Variants in INSL6 observed in about 807,000 individuals in gnomAD.
The protein encoded by INSL6 is insulin-like peptide INSL6.
Under a neutral mutation model 9.4 loss-of-function variants are expected in INSL6, and 16 were observed. That is an observed-to-expected ratio of 1.70 (90% CI 1.15 to 2.59). INSL6 has a LOEUF of 2.59. Among genes scored for constraint, INSL6 ranks in the 30% most tolerant of loss-of-function variants. The pLI is 0.00. For synonymous variants in INSL6, 154 were observed against 96.9 expected (o/e 1.59, Z -3.46); for missense variants, 391 against 257.3 (o/e 1.52, Z -3.56).
At chr9:5,018,635 G>T in the INSL6 span, among the ~76,000 whole-genome samples, 22 of 152,286 alleles carry the variant, frequency 1.4e-4, no homozygotes, top group Middle Eastern at 3.4e-3. Flanking sequence ...CACTGTGCCT[G>T]GCCTGACATT....
the INSL6 span, among the ~76,000 whole-genome samples, chr9:5,117,973 A>AATTG: frequency 6.6e-6 from 1 of 152,216 alleles, no homozygotes; most frequent in African/African-American, 2.4e-5. Context: ...CACATTTTTA[A>AATTG]ATTGATAGCT....
exon 4 of INSL6, among the ~76,000 whole-genome samples, chr9:5,124,450 T>C (rs1465841414): frequency 6.6e-6 from 1 of 151,736 alleles, no homozygotes; most frequent in African/African-American, 2.4e-5. Context: ...ACCAGCACCA[T>C]TTATTGAAAA....
intron 1 of INSL6, among the ~76,000 whole-genome samples, chr9:5,183,514 C>G (rs1447214572): frequency 6.6e-6 from 1 of 152,184 alleles, no homozygotes; most frequent in South Asian, 2.1e-4. Flanking sequence ...GGATCATTAA[C>G]AAGCTGAGTT....
At chr9:5,047,070 A>C in the INSL6 span, among the ~76,000 whole-genome samples, 5 of 152,156 alleles carry the variant, frequency 3.3e-5, no homozygotes, top group African/African-American at 1.2e-4. Context: ...TCCACCATAT[A>C]ATTCTAAATT....
the INSL6 span, among the ~76,000 whole-genome samples, chr9:5,102,127 A>T: frequency 6.6e-6 from 1 of 152,184 alleles, no homozygotes; most frequent in African/African-American, 2.4e-5. Flanking sequence ...CATCGCAAGG[A>T]AGCTAAAAAC....
chr9:5,057,167 ATG>A, the INSL6 span, among the ~76,000 whole-genome samples: 1 of 151,994 alleles, frequency 6.6e-6, no homozygotes, highest in Non-Finnish European at 1.5e-5. Context: ...TTGATACATC[ATG>A]TTTCTTGCTG....
At chr9:5,070,142 TTTTG>T in the INSL6 span, 1 of 861,876 alleles carries the variant, frequency 1.2e-6, no homozygotes, top group Non-Finnish European at 1.7e-6. Context: ...ATTGGAATTA[TTTTG>T]TTATATACAA....
At chr9:5,100,628 T>C in the INSL6 span, 60,108 of 152,092 alleles carry the variant, frequency 0.4, 13,878 homozygotes, top group African/African-American at 0.65. Flanking sequence ...GAAGTACCTT[T>C]CTGAATACAT....
At chr9:5,031,976 G>A in the INSL6 span, among the ~76,000 whole-genome samples, 1 of 152,266 alleles carries the variant, frequency 6.6e-6, no homozygotes, top group East Asian at 1.9e-4. Context: ...CCACACCCGG[G>A]AAGCGCAAAG....
At chr9:5,145,227 A>T (rs1824578087) in intron 2 of INSL6, among the ~76,000 whole-genome samples, 3 of 151,526 alleles carry the variant, frequency 2.0e-5, no homozygotes, top group Middle Eastern at 3.4e-3. Context: ...TATGAAGCTT[A>T]GCTTGGCCAG....
chr9:5,045,286 C>G, the INSL6 span, among the ~76,000 whole-genome samples: 1 of 152,170 alleles, frequency 6.6e-6, no homozygotes, highest in African/African-American at 2.4e-5. Flanking sequence ...AACAAGCCCA[C>G]AGATCCTCAT....
intron 3 of INSL6, among the ~76,000 whole-genome samples, chr9:5,132,391 T>TAAAACTACTGTCCTA (rs749054909): frequency 1.2e-4 from 19 of 152,210 alleles, no homozygotes; most frequent in Non-Finnish European, 2.8e-4. Flanking sequence ...TCTCTTATTT[T>TAAAACTACTGTCCTA]AAAACTACTG....
At chr9:5,154,507 A>G (rs930418696) in intron 2 of INSL6, among the ~76,000 whole-genome samples, 1 of 152,210 alleles carries the variant, frequency 6.6e-6, no homozygotes, top group African/African-American at 2.4e-5. Context: ...TCTGCACAGC[A>G]AAAGAAACTA....
At chr9:5,068,303 G>C in the INSL6 span, among the ~76,000 whole-genome samples, 3 of 151,964 alleles carry the variant, frequency 2.0e-5, no homozygotes, top group African/African-American at 7.3e-5. Context: ...CTTAAAAATA[G>C]GTGAACAAGT....
chr9:5,138,854 T>C (rs1390414608), intron 2 of INSL6, among the ~76,000 whole-genome samples: 2 of 152,104 alleles, frequency 1.3e-5, no homozygotes, highest in South Asian at 2.1e-4. Context: ...TTTTTTCAAT[T>C]GAAATACATC....
At chr9:5,007,520 T>G in the INSL6 span, among the ~76,000 whole-genome samples, 1 of 152,232 alleles carries the variant, frequency 6.6e-6, no homozygotes, top group South Asian at 2.1e-4. Flanking sequence ...ACGTGAGTTT[T>G]TTTTGTTGAG....
downstream of INSL6, among the ~76,000 whole-genome samples, chr9:5,119,504 G>A (rs998874575): frequency 3.3e-5 from 5 of 151,724 alleles, no homozygotes; most frequent in Non-Finnish European, 7.4e-5. Context: ...AATCATGAGG[G>A]CAGTCAGGAT....
At chr9:5,125,135 A>G (rs1054612263) in intron 3 of INSL6, among the ~76,000 whole-genome samples, 2 of 151,318 alleles carry the variant, frequency 1.3e-5, no homozygotes, top group Non-Finnish European at 3.0e-5. Context: ...CTCTAATGCA[A>G]TTACTCAGAG....
rs112877238 is a variant in INSL6, at chr9:5,181,418, T to C, written c.289+3896A>G. 2.1e-3 allele frequency among the ~76,000 whole-genome samples: 321 copies of C among 152,186 alleles called. 5 individuals carry two copies. The highest frequency in any genetic ancestry group is 0.017 in the Middle Eastern group (5 of 294). On this transcript the variant is annotated intron_variant, in intron 1 of 1. Coordinates refer to ENST00000381641, the MANE Select transcript of INSL6 (RefSeq NM_007179.3). Reference sequence around the variant, plus strand: ...ATTAGTGAGAAAAATAATTGATTAGTAGAAAGTGTTCAGAAAACTAGCTCC... The same window carrying C: ...ATTAGTGAGAAAAATAATTGATTAGCAGAAAGTGTTCAGAAAACTAGCTCC...
Sources: allele counts gnomAD v4.1 joint callset (sites outside exome capture counted in the v4.1 genomes callset), GRCh38; gene constraint gnomAD v4.1.1; transcripts MANE v1.5; gene names NCBI Gene and HGNC (gene_info 2026-07-23, HGNC 2026-07-21).